Variants in XNDC1N observed in about 807,000 individuals in gnomAD.
XNDC1N encodes XRCC1 N-terminal domain containing 1, N-terminal like, also known as protein XNDC1N.
chr11:71,885,956 G>A, the XNDC1N span, among the ~76,000 whole-genome samples: 4 of 151,414 alleles, frequency 2.6e-5, no homozygotes. Flanking sequence ...AAATATTATG[G>A]GTTATTAATA....
the XNDC1N span, among the ~76,000 whole-genome samples, chr11:71,913,671 A>G: frequency 6.7e-6 from 1 of 148,332 alleles, no homozygotes; most frequent in Admixed American, 6.7e-5. Context: ...AAGATAAAAA[A>G]AAAAAAAAAA....
chr11:71,922,119 C>T, the XNDC1N span, among the ~76,000 whole-genome samples: 1 of 152,172 alleles, frequency 6.6e-6, no homozygotes, highest in Non-Finnish European at 1.5e-5. Flanking sequence ...GAGATCACAC[C>T]ACTACACTCC....
chr11:71,923,807 G>A, the XNDC1N span, among the ~76,000 whole-genome samples: 259 of 152,042 alleles, frequency 1.7e-3, 2 homozygotes, highest in Non-Finnish European at 2.7e-3. Context: ...CACCCGCCTC[G>A]GACTCCCAAA....
At chr11:71,909,317 T>TCA in the XNDC1N span, among the ~76,000 whole-genome samples, 1 of 150,640 alleles carries the variant, frequency 6.6e-6, no homozygotes, top group African/African-American at 2.5e-5. Context: ...GCTGCAGCAA[T>TCA]CAGAGGGGCC....
the XNDC1N span, chr11:71,917,414 C>T: frequency 2.2e-5 from 14 of 623,060 alleles, no homozygotes; most frequent in East Asian, 3.6e-4. Flanking sequence ...TCTCCATCTC[C>T]CCAGCTAGCA....
the XNDC1N span, among the ~76,000 whole-genome samples, chr11:71,923,691 G>A: frequency 6.6e-6 from 1 of 152,040 alleles, no homozygotes; most frequent in African/African-American, 2.4e-5. Flanking sequence ...AAGTAGCAGG[G>A]ACTACAGGTG....
the XNDC1N span, among the ~76,000 whole-genome samples, chr11:71,899,249 C>T: frequency 6.6e-6 from 1 of 152,158 alleles, no homozygotes; most frequent in South Asian, 2.1e-4. Flanking sequence ...CCTGTATCAC[C>T]CTGTCTTCTT....
chr11:71,909,888 G>T, the XNDC1N span, among the ~76,000 whole-genome samples: 1 of 152,280 alleles, frequency 6.6e-6, no homozygotes, highest in East Asian at 1.9e-4. Flanking sequence ...GACCCGGAAT[G>T]GGAGTCATTA....
chr11:71,920,942 G>C, the XNDC1N span, among the ~76,000 whole-genome samples: 1 of 152,128 alleles, frequency 6.6e-6, no homozygotes, highest in Non-Finnish European at 1.5e-5. Context: ...TCCAGCCTGG[G>C]AGACAGAGTG....
the XNDC1N span, among the ~76,000 whole-genome samples, chr11:71,907,237 T>C: frequency 1.3e-5 from 2 of 152,050 alleles, no homozygotes; most frequent in Non-Finnish European, 2.9e-5. Context: ...TGGAAAATAA[T>C]GTCCCAGGGT....
chr11:71,913,555 A>G, the XNDC1N span, among the ~76,000 whole-genome samples: 18 of 150,306 alleles, frequency 1.2e-4, no homozygotes, highest in African/African-American at 4.1e-4. Flanking sequence ...GCTACTCGGG[A>G]GGCTGAGGCA....
chr11:71,924,756 T>C, the XNDC1N span, among the ~76,000 whole-genome samples: 2 of 152,156 alleles, frequency 1.3e-5, no homozygotes, highest in Admixed American at 6.5e-5. Flanking sequence ...TATGTAAAAT[T>C]TTAAATATAT....
chr11:71,867,693 A>G, the XNDC1N span, among the ~76,000 whole-genome samples: 4 of 152,176 alleles, frequency 2.6e-5, no homozygotes, highest in African/African-American at 4.8e-5. Context: ...TTTGCTGAAT[A>G]TTGTTTTATG....
chr11:71,906,148 C>T, the XNDC1N span, among the ~76,000 whole-genome samples: 4 of 152,056 alleles, frequency 2.6e-5, no homozygotes, highest in African/African-American at 9.6e-5. Context: ...TTAAGAGTGA[C>T]ATCCCCCTGG....
chr11:71,898,781 G>C, the XNDC1N span, among the ~76,000 whole-genome samples: 5 of 152,202 alleles, frequency 3.3e-5, no homozygotes, highest in African/African-American at 1.2e-4. Flanking sequence ...CTGTTCTGGA[G>C]ACGATGACGG....
chr11:71,887,538 AT>A, the XNDC1N span, among the ~76,000 whole-genome samples: 9,811 of 150,852 alleles, frequency 0.065, 153 homozygotes, highest in African/African-American at 0.15. Flanking sequence ...GGCCAAGAGT[AT>A]GGGCAGAAGA....
chr11:71,884,970 G>T, the XNDC1N span, among the ~76,000 whole-genome samples: 1 of 152,030 alleles, frequency 6.6e-6, no homozygotes, highest in Non-Finnish European at 1.5e-5. Flanking sequence ...GATGCAGGGA[G>T]TAAGAGCCAG....
chr11:71,911,800 C>T, the XNDC1N span, among the ~76,000 whole-genome samples: 65 of 152,312 alleles, frequency 4.3e-4, no homozygotes, highest in African/African-American at 1.3e-3. Flanking sequence ...GGGACACCAG[C>T]GAGCTTCCAT....
chr11:71,896,353 G>A, the XNDC1N span, among the ~76,000 whole-genome samples: 1 of 152,236 alleles, frequency 6.6e-6, no homozygotes, highest in Non-Finnish European at 1.5e-5. Context: ...AAGAAAAGGG[G>A]TGAGATAGGG....
Sources: allele counts gnomAD v4.1 joint callset (sites outside exome capture counted in the v4.1 genomes callset), GRCh38; gene constraint gnomAD v4.1.1; transcripts MANE v1.5; gene names NCBI Gene and HGNC (gene_info 2026-07-23, HGNC 2026-07-21).